COPS3: variants seen among roughly 807,000 people sequenced by gnomAD.
The protein encoded by COPS3 is COP9 signalosome complex subunit 3.
A neutral mutation model predicts 58.2 loss-of-function variants in COPS3; 10 were observed. The observed-to-expected ratio is 0.17, with a 90% CI of 0.11 to 0.29. COPS3 has a LOEUF of 0.29. Ranked by LOEUF, COPS3 falls within the 10% of genes least tolerant of loss-of-function variation. The pLI is 1.00. For synonymous variants in COPS3, 187 were observed against 181.7 expected, an observed-to-expected ratio of 1.03 and a Z score of -0.24; for missense variants, 333 against 510.1, an observed-to-expected ratio of 0.65 and a Z score of 3.34.
intron 9 of COPS3, among the ~76,000 whole-genome samples, chr17:17,253,588 G>A (rs1187206919): frequency 6.6e-6 from 1 of 152,118 alleles, no homozygotes; most frequent in Non-Finnish European, 1.5e-5. Flanking sequence ...TTATGTCAGT[G>A]CTGCTTATGG....
At chr17:17,264,184 T>C (rs983531435) in intron 6 of COPS3, among the ~76,000 whole-genome samples, 1 of 152,252 alleles carries the variant, frequency 6.6e-6, no homozygotes, top group African/African-American at 2.4e-5. Context: ...ATATCCTTTA[T>C]TACTTAATAC....
At chr17:17,266,684 A>G (rs1157159319) in intron 5 of COPS3, among the ~76,000 whole-genome samples, 1 of 152,094 alleles carries the variant, frequency 6.6e-6, no homozygotes, top group Non-Finnish European at 1.5e-5. Context: ...CCACAATCCC[A>G]GCTACTCAGG....
At chr17:17,273,096 T>C (rs2048387056) in intron 2 of COPS3, among the ~76,000 whole-genome samples, 1 of 152,190 alleles carries the variant, frequency 6.6e-6, no homozygotes, top group African/African-American at 2.4e-5. Flanking sequence ...TGTCATGACA[T>C]TTGAAATGAT....
Position 17,281,245 on chromosome 17 carries a change from C to G in COPS3, c.-59G>C, listed in dbSNP as rs979101288. ...GCACGCGCGGGAAAAGGCTGCCGCT[C>G]TGGGAGGAGGGGCCGCGGCGATCCA... On this transcript the variant is annotated 5_prime_UTR_variant, in exon 1 of 12. Coordinates refer to ENST00000268717, the MANE Select transcript of COPS3 (RefSeq NM_003653.4). 6.4e-7 allele frequency: 1 copy of G among 1,566,068 alleles called. No individual in the cohort carries two copies. The highest frequency in any genetic ancestry group is 1.2e-5 in the South Asian group (1 of 86,612).
At chr17:17,254,095 G>T (rs1292858735) in intron 9 of COPS3, among the ~76,000 whole-genome samples, 1 of 151,812 alleles carries the variant, frequency 6.6e-6, no homozygotes, top group African/African-American at 2.4e-5. Context: ...TTGAGCCTAG[G>T]AGTTCAAATC....
intron 2 of COPS3, among the ~76,000 whole-genome samples, chr17:17,275,395 T>C (rs2048440257): frequency 6.6e-6 from 1 of 152,060 alleles, no homozygotes; most frequent in Admixed American, 6.6e-5. Context: ...CTGCAACAAC[T>C]GATTTTATTT....
chr17:17,280,487 G>C lies in COPS3; in HGVS notation c.55+645C>G, dbSNP rs111436874. 6.2e-3 allele frequency: 6,619 copies of C among 1,060,166 alleles called. 330 individuals are homozygous for C. The African/African-American group carries it at 0.1, about 17-fold the overall frequency. 65.7% of individuals were successfully genotyped at this position (1,060,166 alleles called of 1,614,324 possible). ...AGACAGGAGAATCGCTTGAAGCCGGGAGGCTGAGGTTGCAGTGAGCCGAGA... is the reference window on the plus strand; with the variant it reads ...AGACAGGAGAATCGCTTGAAGCCGGCAGGCTGAGGTTGCAGTGAGCCGAGA... On this transcript the variant is annotated intron_variant, in intron 1 of 11. Coordinates refer to ENST00000268717, the MANE Select transcript of COPS3 (RefSeq NM_003653.4).
intron 8 of COPS3, among the ~76,000 whole-genome samples, chr17:17,259,217 G>T (rs573687741): frequency 3.9e-5 from 6 of 152,308 alleles, no homozygotes; most frequent in Non-Finnish European, 7.3e-5. Context: ...ACAAGGCAAA[G>T]GATGTGCACA....
chr17:17,256,282 T>G (rs2047974151), intron 8 of COPS3, among the ~76,000 whole-genome samples: 1 of 152,132 alleles, frequency 6.6e-6, no homozygotes, highest in African/African-American at 2.4e-5. Context: ...TGAAAAGGAA[T>G]CCAAGGTATG....
intron 1 of COPS3, chr17:17,280,567 G>T: frequency 1.6e-6 from 2 of 1,280,530 alleles, no homozygotes; most frequent in Non-Finnish European, 2.1e-6. Context: ...AAGAAATGGA[G>T]TCCTACGAGC....
chr17:17,263,932 A>G (rs1359555942), intron 6 of COPS3, among the ~76,000 whole-genome samples: 2 of 152,232 alleles, frequency 1.3e-5, no homozygotes, highest in African/African-American at 4.8e-5. Flanking sequence ...GTGCATTTTT[A>G]TAATTTTCCG....
intron 6 of COPS3, among the ~76,000 whole-genome samples, chr17:17,262,739 A>AT (rs1223948421): frequency 1.3e-5 from 2 of 151,064 alleles, no homozygotes; most frequent in African/African-American, 4.9e-5. Context: ...CAAAAAAAAA[A>AT]ATATTTTTTG....
chr17:17,262,767 T>G (rs2048130766), intron 6 of COPS3, among the ~76,000 whole-genome samples: 1 of 151,846 alleles, frequency 6.6e-6, no homozygotes, highest in Admixed American at 6.6e-5. Context: ...GGAGTCTCAC[T>G]ATGTTGCTCA....
At chr17:17,258,279 TGA>T (rs2145207114) in intron 8 of COPS3, among the ~76,000 whole-genome samples, 1 of 152,282 alleles carries the variant, frequency 6.6e-6, no homozygotes, top group African/African-American at 2.4e-5. Flanking sequence ...CATTTCGAGT[TGA>T]GACTCTTCCT....
chr17:17,276,266 A>G, intron 1 of COPS3, 102 bp from the exon 2 acceptor site: 2 of 1,467,070 alleles, frequency 1.4e-6, no homozygotes, highest in Non-Finnish European at 1.9e-6. Flanking sequence ...AGTTCCCAAA[A>G]TTGATTCTTA....
At position 17,262,238 on chromosome 17, in the gene COPS3, T is replaced by C. The variant is rs1315104080; in HGVS notation, c.622-132A>G. The C allele has an allele frequency of 5.2e-5, 43 of 827,914 alleles. No individual in the cohort carries two copies. The South Asian group carries it at 7.3e-4, about 14-fold the overall frequency. The allele number at this position is 827,914 out of a possible 1,614,324, so 51.3% of individuals were successfully genotyped here. ...TCCCATTATTTTTATAACAGCCTTATTGAGATAGAATTCATTTTATTTTTA... is the reference window on the plus strand; with the variant it reads ...TCCCATTATTTTTATAACAGCCTTACTGAGATAGAATTCATTTTATTTTTA... On this transcript the variant is annotated intron_variant, in intron 6 of 11. Coordinates refer to ENST00000268717, the MANE Select transcript of COPS3 (RefSeq NM_003653.4).
intron 7 of COPS3, 47 bp from the exon 8 acceptor site, chr17:17,260,521 A>C (rs2145212713): frequency 6.3e-7 from 1 of 1,595,050 alleles, no homozygotes; most frequent in Non-Finnish European, 8.6e-7. Flanking sequence ...ACTTCAGAAG[A>C]GGCCAGGTGT....
intron 6 of COPS3, among the ~76,000 whole-genome samples, chr17:17,262,338 G>A (rs929808382): frequency 6.6e-6 from 1 of 152,132 alleles, no homozygotes; most frequent in African/African-American, 2.4e-5. Flanking sequence ...ATGGCTCACT[G>A]TACCCTCAAA....
intron 6 of COPS3, among the ~76,000 whole-genome samples, chr17:17,263,451 G>A (rs1219818073): frequency 5.3e-5 from 8 of 151,340 alleles, no homozygotes; most frequent in East Asian, 3.9e-4. Context: ...TGCCTGCCTC[G>A]GCCTCCCAGT....
Sources: gnomAD v4.1 joint callset for allele counts (sites outside exome capture counted in the v4.1 genomes callset) on GRCh38, gnomAD v4.1.1 for gene constraint, MANE v1.5 for transcripts, NCBI Gene and HGNC (gene_info 2026-07-23, HGNC 2026-07-21) for gene names.